Variants in SNX29 observed in about 807,000 individuals in gnomAD.
SNX29 encodes sorting nexin 29, also known as sorting nexin-29.
A neutral mutation model predicts 102.1 loss-of-function variants in SNX29; 78 were observed. The observed-to-expected ratio is 0.76, with a 90% CI of 0.64 to 0.92. SNX29 has a LOEUF of 0.92. SNX29 is among the 40% of genes least tolerant of loss of function. SNX29 has a pLI of 0.00. For missense variants in SNX29, 1,280 were observed against 1,061.7 expected (o/e 1.21, Z -2.86); for synonymous variants, 580 against 414.5 (o/e 1.40, Z -4.85).
Position 12,573,409 on chromosome 16 carries a change from TGAA to T in SNX29, c.*4781_*4783del, listed in dbSNP as rs746830355. On this transcript the variant is annotated 3_prime_UTR_variant, in exon 21 of 21. Transcript: ENST00000566228. ...CTTATAGCTAGTTTCTATAGAGAAG[TGAA>T]AAAGAAATCTGGCTTCCTTAATAAG... is the stretch of plus-strand genomic sequence containing the variant. The T allele has an allele frequency of 2.2e-4, 50 of 224,328 alleles. No individual in the cohort carries two copies. The highest frequency in any genetic ancestry group is 1.4e-3 in the Middle Eastern group (1 of 738). 13.9% of individuals were successfully genotyped at this position (224,328 alleles called of 1,614,324 possible).
intron 14 of SNX29, among the ~76,000 whole-genome samples, chr16:12,227,395 G>C (rs1458120062): frequency 2.6e-5 from 4 of 152,196 alleles, no homozygotes. Context: ...ACACACTTGT[G>C]ATGTTGCTCA....
intron 15 of SNX29, among the ~76,000 whole-genome samples, chr16:12,327,386 T>C (rs2081150505): frequency 6.6e-6 from 1 of 152,096 alleles, no homozygotes; most frequent in African/African-American, 2.4e-5. Context: ...CAGAAATGTA[T>C]CTTCTCACCT....
intron 3 of SNX29, among the ~76,000 whole-genome samples, chr16:12,024,244 T>C (rs1041161268): frequency 3.3e-5 from 5 of 152,090 alleles, no homozygotes; most frequent in African/African-American, 1.2e-4. Flanking sequence ...ATTCATGTGA[T>C]GCTCCTGCCT....
chr16:12,248,153 G>A (rs574375420), intron 14 of SNX29, among the ~76,000 whole-genome samples: 1 of 152,310 alleles, frequency 6.6e-6, no homozygotes, highest in East Asian at 1.9e-4. Context: ...TCACTGTTGG[G>A]CCCTCTGAGG....
chr16:12,534,664 C>T (rs539366922), intron 20 of SNX29, among the ~76,000 whole-genome samples: 16 of 152,332 alleles, frequency 1.1e-4, no homozygotes, highest in African/African-American at 2.9e-4. Context: ...TCCCTGCAGA[C>T]GGGCTGTCGG....
chr16:12,076,285 G>A (rs1421517133), intron 10 of SNX29, among the ~76,000 whole-genome samples: 6 of 150,860 alleles, frequency 4.0e-5, no homozygotes, highest in African/African-American at 9.8e-5. Flanking sequence ...GTTCCTATTC[G>A]GCCATCTTGG....
At chr16:12,117,568 C>G (rs1704112) in intron 11 of SNX29, among the ~76,000 whole-genome samples, 103,165 of 152,060 alleles carry the variant, frequency 0.68, 36,039 homozygotes, top group East Asian at 0.91. Flanking sequence ...CATTGGAGTA[C>G]GTAAATTCAT....
intron 13 of SNX29, among the ~76,000 whole-genome samples, chr16:12,165,178 A>G (rs2055964690): frequency 6.6e-6 from 1 of 152,256 alleles, no homozygotes; most frequent in African/African-American, 2.4e-5. Flanking sequence ...GGAAGTGAGT[A>G]TAAATCGAGT....
intron 13 of SNX29, among the ~76,000 whole-genome samples, chr16:12,162,652 G>C (rs1209657743): frequency 6.6e-6 from 1 of 152,198 alleles, no homozygotes; most frequent in Non-Finnish European, 1.5e-5. Context: ...GATTTGTCCT[G>C]TGGGCCATAG....
intron 15 of SNX29, 70 bp downstream of exon 15, chr16:12,278,106 C>T: frequency 8.0e-6 from 11 of 1,375,448 alleles, no homozygotes; most frequent in Non-Finnish European, 1.1e-5. Context: ...CAGGGTAGGT[C>T]CAGCCTATTC....
In SNX29 at chr16:12,483,114, GTTTTTTTTTTTTTT is replaced by G. The variant is rs574090459; in HGVS notation, c.2178+5271_2178+5284del. The stretch of plus-strand genomic sequence containing the variant: ...AATAGATACATATTGAAGTTATTAA[GTTTTTTTTTTTTTT>G]TTTTTTTTTTTTTTTGGAGACAGCA... On this transcript the variant is annotated intron_variant, in intron 19 of 20. Transcript: ENST00000566228. Among the ~76,000 whole-genome samples, 35 of 66,216 alleles carry G rather than the reference GTTTTTTTTTTTTTT, an allele frequency of 5.3e-4. 1 individual carries two copies. Among genetic ancestry groups the G allele is most frequent in the African/African-American group, 1.7e-3 (28 of 16,482 alleles). The allele number at this position is 66,216 out of a possible 152,430, so 43.4% of individuals were successfully genotyped here.
rs549712817 is a variant in SNX29, at chr16:12,473,443, C to G, written c.2038-4276C>G. Among the ~76,000 whole-genome samples, 57 of 152,274 alleles carry G rather than the reference C, an allele frequency of 3.7e-4. 1 individual carries two copies. The South Asian group carries it at 0.011, about 31-fold the overall frequency. ...GTGCCTGGGCTTCAGGGGAACGAGG[C>G]AAGGGCTTCTGGTCCCAGCTACCCA... On this transcript the variant is annotated intron_variant, in intron 18 of 20. Transcript: ENST00000566228.
chr16:12,289,293 C>T (rs1175164833), intron 15 of SNX29, among the ~76,000 whole-genome samples: 3 of 152,214 alleles, frequency 2.0e-5, no homozygotes, highest in Non-Finnish European at 4.4e-5. Flanking sequence ...GTCTTCTTCT[C>T]AAGGGCTCTT....
chr16:12,369,666 G>A (rs78034934), intron 16 of SNX29, among the ~76,000 whole-genome samples: 9,086 of 152,138 alleles, frequency 0.06, 455 homozygotes, highest in African/African-American at 0.13. Context: ...TGGCTATGAC[G>A]CATCCCTCTA....
chr16:12,565,719 C>G (rs1260321298), intron 20 of SNX29, among the ~76,000 whole-genome samples: 2 of 152,202 alleles, frequency 1.3e-5, no homozygotes, highest in Non-Finnish European at 2.9e-5. Flanking sequence ...GCCGGGTCTG[C>G]CCGGCTACAA....
At chr16:12,499,391 C>G (rs2088995089) in intron 19 of SNX29, among the ~76,000 whole-genome samples, 1 of 152,222 alleles carries the variant, frequency 6.6e-6, no homozygotes, top group Non-Finnish European at 1.5e-5. Context: ...GTAATGCCAG[C>G]ACCCGAGCAG....
At position 12,410,409 on chromosome 16, in the gene SNX29, C is replaced by G. The variant is rs539285735; in HGVS notation, c.2037+6880C>G. 2.6e-5 allele frequency among the ~76,000 whole-genome samples: 4 copies of G among 152,248 alleles called. No homozygotes were observed. The South Asian group carries it at 8.3e-4, about 32-fold the overall frequency. ...TTCAGTATCTGAACTCTTCCCATCT[C>G]CCATCCTGCAGAACAAAATCACATA... On this transcript the variant is annotated intron_variant, in intron 18 of 20. Transcript: ENST00000566228.
Position 11,976,759 on chromosome 16 carries a change from CGGCAGCGGCGGCGGCGCGGCGCA to C in SNX29, c.-43_-21del, listed in dbSNP as rs2055307737. On this transcript the variant is annotated 5_prime_UTR_variant, in exon 1 of 21. Transcript: ENST00000566228. ...GTCTGGAGCTCGGCAGCCGCAGAAGCGGCAGCGGCGGCGGCGCGGCGCAGGCACCGGCCCGGGGAGAGGCACCA... is the reference window on the plus strand; with the variant it reads ...GTCTGGAGCTCGGCAGCCGCAGAAGCGGCACCGGCCCGGGGAGAGGCACCA... The C allele has an allele frequency of 1.6e-6, 2 of 1,277,362 alleles. No individual in the cohort carries two copies. Among genetic ancestry groups the C allele is most frequent in the Admixed American group, 3.6e-5 (1 of 27,752 alleles). 79.1% of individuals were successfully genotyped at this position (1,277,362 alleles called of 1,614,324 possible). A position where few individuals can be genotyped will look rare whatever the true frequency, so the allele number is the denominator to read the frequency against.
chr16:12,131,303 G>A (rs928409906), intron 13 of SNX29, among the ~76,000 whole-genome samples: 1 of 152,156 alleles, frequency 6.6e-6, no homozygotes, highest in Non-Finnish European at 1.5e-5. Flanking sequence ...CTGTCACTTT[G>A]TTTATATACT....
Sources: gnomAD v4.1 joint callset for allele counts (sites outside exome capture counted in the v4.1 genomes callset) on GRCh38, gnomAD v4.1.1 for gene constraint, MANE v1.5 for transcripts, NCBI Gene and HGNC (gene_info 2026-07-23, HGNC 2026-07-21) for gene names.